The following P2RY13 variants were observed in gnomAD, a reference collection of about 807,000 sequenced individuals.
P2RY13 encodes purinergic receptor P2Y13.
For missense variants in P2RY13, 412 were observed against 418.4 expected (o/e 0.98, Z 0.13); for synonymous variants, 150 against 155.1 (o/e 0.97, Z 0.24).
rs1360716223 is a variant in P2RY13, at chr3:151,328,979, A to T, written c.77T>A (p.Val26Glu). 1 of 1,608,252 alleles carries T rather than the reference A, an allele frequency of 6.2e-7. No homozygotes were observed. Among genetic ancestry groups the T allele is most frequent in the East Asian group, 2.2e-5 (1 of 44,822 alleles). ...CTCAGATCTGTTGAAGCCTTGCATC[A>T]CTGTGGTGTTCATTGCTTCCAGTGT... ...KVTLEAMNTT[V>E]MQGFNRSERC... Residue 26 changes from valine to glutamate, a missense_variant, in exon 2 of 2, where the codon GTG (valine) becomes GAG (glutamate). Val to Glu is a moderately radical substitution (Grantham distance 121). Transcript: ENST00000325602.
Position 151,327,933 on chromosome 3 carries a change from T to C in P2RY13, c.*58A>G. 7 of 1,235,332 alleles carry C rather than the reference T, an allele frequency of 5.7e-6. No homozygotes were observed. The highest frequency in any genetic ancestry group is 7.8e-6 in the Non-Finnish European group (7 of 897,684). The allele number at this position is 1,235,332 out of a possible 1,614,324, so 76.5% of individuals were successfully genotyped here. On this transcript the variant is annotated 3_prime_UTR_variant, in exon 2 of 2. Transcript: ENST00000325602. ...TCTTTTTTTCTTGGTTAAATTTGAT[T>C]TCCACATTATCTACGGAAGTCTCAT... is the stretch of plus-strand genomic sequence containing the variant.
At chr3:151,329,434 C>G in intron 1 of P2RY13, 47 bp downstream of exon 1, 1 of 1,253,616 alleles carries the variant, frequency 8.0e-7, no homozygotes, top group Non-Finnish European at 1.1e-6. Context: ...TAAGCATATT[C>G]TTTTATATAA....
At position 151,326,759 on chromosome 3, in the gene P2RY13, C is replaced by G. The variant is rs772003307; in HGVS notation, c.*1232G>C. On this transcript the variant is annotated 3_prime_UTR_variant, in exon 2 of 2. Coordinates refer to ENST00000325602, the MANE Select transcript of P2RY13 (RefSeq NM_176894.3). ...AACGTGGGCTTCACCCTACGATGGT[C>G]GTGTTGGAGCTCGTGGCACATTTAC... is the stretch of plus-strand genomic sequence containing the variant. 1 of 152,188 alleles carries G rather than the reference C, an allele frequency of 6.6e-6. No individual in the cohort carries two copies. The highest frequency in any genetic ancestry group is 2.4e-5 in the African/African-American group (1 of 41,456). The allele number at this position is 152,188 out of a possible 1,614,324, so 9.4% of individuals were successfully genotyped here.
Position 151,328,835 on chromosome 3 carries a change from C to G in P2RY13, c.221G>C (p.Ser74Thr). Residue 74 changes from serine to threonine, a missense_variant, in exon 2 of 2, where the codon AGC (serine) becomes ACC (threonine). Physicochemically the swap from Ser to Thr is moderately conservative, Grantham distance 58. Coordinates refer to ENST00000325602, the MANE Select transcript of P2RY13 (RefSeq NM_176894.3). ...LALWVFVHIPSSSTFIIYLKN... is the reference protein window; with the variant it reads ...LALWVFVHIPTSSTFIIYLKN... ...GAGGTAGATGATGAAGGTGGAGGAG[C>G]TGGGGATGTGAACAAACACCCACAG... 6 of 1,613,934 alleles carry G rather than the reference C, an allele frequency of 3.7e-6. No homozygotes were observed. The highest frequency in any genetic ancestry group is 5.1e-6 in the Non-Finnish European group (6 of 1,179,928).
chr3:151,329,017 A>G lies in P2RY13; in HGVS notation c.49-10T>C. 3.9e-6 allele frequency: 6 copies of G among 1,553,650 alleles called. No homozygotes were observed. Among genetic ancestry groups the G allele is most frequent in the Non-Finnish European group, 4.3e-6 (5 of 1,150,376 alleles). On this transcript the variant is annotated splice_polypyrimidine_tract_variant and intron_variant, in intron 1 of 1. Coordinates refer to ENST00000325602, the MANE Select transcript of P2RY13 (RefSeq NM_176894.3). ...TTGCTTCCAGTGTCACCTGTTACCA[A>G]TAAACATATATACAAACAAAAGAAA...
rs111263026 is a variant in P2RY13, at chr3:151,327,836, A to G, written c.*155T>C. ...GTTCATTCAGCTTATGAATAGATCT[A>G]TGTGGATTTAAATTTTATATAATCT... On this transcript the variant is annotated 3_prime_UTR_variant, in exon 2 of 2. Transcript: ENST00000325602. The G allele has an allele frequency of 7.3e-6, 4 of 548,440 alleles. No individual in the cohort carries two copies. Among genetic ancestry groups the G allele is most frequent in the African/African-American group, 1.9e-5 (1 of 51,910 alleles). The allele number at this position is 548,440 out of a possible 1,614,324, so 34.0% of individuals were successfully genotyped here.
Position 151,327,730 on chromosome 3 carries a change from A to G in P2RY13, c.*261T>C, listed in dbSNP as rs1749803561. On this transcript the variant is annotated 3_prime_UTR_variant, in exon 2 of 2. Coordinates refer to ENST00000325602, the MANE Select transcript of P2RY13 (RefSeq NM_176894.3). ...AAAATGTTAAAGTGAAATGCTCTTG[A>G]AATTAAAAAAAAAAAAAAAGAAAGA... The G allele has an allele frequency of 7.5e-6, 2 of 265,088 alleles. No individual in the cohort carries two copies. Among genetic ancestry groups the G allele is most frequent in the Non-Finnish European group, 1.3e-5 (2 of 150,656 alleles). 16.4% of individuals were successfully genotyped at this position (265,088 alleles called of 1,614,324 possible).
chr3:151,328,068 A>C lies in P2RY13; in HGVS notation c.988T>G (p.Cys330Gly). The C allele has an allele frequency of 6.2e-7, 1 of 1,610,050 alleles. No individual in the cohort carries two copies. The highest frequency in any genetic ancestry group is 8.5e-7 in the Non-Finnish European group (1 of 1,178,652). Residue 330 changes from cysteine to glycine, a missense_variant, in exon 2 of 2, where the codon TGT becomes GGT. Coordinates refer to ENST00000325602, the MANE Select transcript of P2RY13 (RefSeq NM_176894.3). ...GCTGTGGTCTTTCTCCCTTGCATAC[A>C]TGGTAGCTTTTCTGTGAATTTTTTA... ...LCKKFTEKLPCMQGRKTTASS... is the reference protein window; with the variant it reads ...LCKKFTEKLPGMQGRKTTASS...
Position 151,327,815 on chromosome 3 carries a change from A to T in P2RY13, c.*176T>A, listed in dbSNP as rs1285484896. On this transcript the variant is annotated 3_prime_UTR_variant, in exon 2 of 2. Coordinates refer to ENST00000325602, the MANE Select transcript of P2RY13 (RefSeq NM_176894.3). ...TGTTGCATTCTCTTAGTAATGGTTC[A>T]TTCAGCTTATGAATAGATCTATGTG... is the stretch of plus-strand genomic sequence containing the variant. 2 of 451,262 alleles carry T rather than the reference A, an allele frequency of 4.4e-6. No homozygotes were observed. Among genetic ancestry groups the T allele is most frequent in the Non-Finnish European group, 7.8e-6 (2 of 257,732 alleles). The allele number at this position is 451,262 out of a possible 1,614,324, so 28.0% of individuals were successfully genotyped here.
At position 151,328,957 on chromosome 3, in the gene P2RY13, A is replaced by G. The variant is rs749291316; in HGVS notation, c.99T>C (p.Ser33=). 1 of 1,613,664 alleles carries G rather than the reference A, an allele frequency of 6.2e-7. No homozygotes were observed. ...NTTVMQGFNR[S]ERCPRDTRIV... is the part of the protein sequence containing the mutation. ...TCCGAGTGTCTCTGGGGCACCGCTC[A>G]GATCTGTTGAAGCCTTGCATCACTG... Residue 33 remains serine, a synonymous_variant, in exon 2 of 2, where the codon TCT becomes TCC. Coordinates refer to ENST00000325602, the MANE Select transcript of P2RY13 (RefSeq NM_176894.3).
Position 151,327,462 on chromosome 3 carries a change from G to A in P2RY13, c.*529C>T, listed in dbSNP as rs1749759223. ...TGTAAGGAGAAAATCCTTTACCCAG[G>A]ATTTCAGAGGTCTTGCTGACCCACT... is the stretch of plus-strand genomic sequence containing the variant. On this transcript the variant is annotated 3_prime_UTR_variant, in exon 2 of 2. Transcript: ENST00000325602. The A allele has an allele frequency of 6.6e-6, 1 of 152,094 alleles. No individual in the cohort carries two copies. 9.4% of individuals were successfully genotyped at this position (152,094 alleles called of 1,614,324 possible). A position where few individuals can be genotyped will look rare whatever the true frequency, so the allele number is the denominator to read the frequency against.
At position 151,328,732 on chromosome 3, in the gene P2RY13, G is replaced by A; in HGVS notation, c.324C>T (p.Pro108=). ...GACACACAAAAGCTCTGAGCTGCCA[G>A]GGTGCCAGGTGTGAGTCAGAGAGGA... ...FKILSDSHLA[P]WQLRAFVCRF... is the part of the protein sequence containing the mutation. Residue 108 remains proline, a synonymous_variant, in exon 2 of 2, where the codon CCC becomes CCT. Transcript: ENST00000325602. 1 of 1,614,004 alleles carries A rather than the reference G, an allele frequency of 6.2e-7. No individual in the cohort carries two copies. Among genetic ancestry groups the A allele is most frequent in the Non-Finnish European group, 8.5e-7 (1 of 1,179,932 alleles).
chr3:151,327,228 G>T lies in P2RY13; in HGVS notation c.*763C>A, dbSNP rs1189314661. ...AGGAGGGTGGGGCAGGGGGATAGGG[G>T]TTGTGGTCCAGGAAGGCATTGCTGA... On this transcript the variant is annotated 3_prime_UTR_variant, in exon 2 of 2. Transcript: ENST00000325602. The T allele has an allele frequency of 6.6e-6, 1 of 152,178 alleles. No individual in the cohort carries two copies. Among genetic ancestry groups the T allele is most frequent in the African/African-American group, 2.4e-5 (1 of 41,434 alleles). The allele number at this position is 152,178 out of a possible 1,614,324, so 9.4% of individuals were successfully genotyped here.
At chr3:151,329,251 A>G (rs1000024182) in intron 1 of P2RY13, among the ~76,000 whole-genome samples, 1 of 152,202 alleles carries the variant, frequency 6.6e-6, no homozygotes, top group African/African-American at 2.4e-5. Flanking sequence ...AAATCCAAAT[A>G]ACAGGTTCTG....
In P2RY13 at chr3:151,328,340, T is replaced by A; in HGVS notation, c.716A>T (p.Tyr239Phe). 6.2e-7 allele frequency: 1 copy of A among 1,613,174 alleles called. No individual in the cohort carries two copies. The highest frequency in any genetic ancestry group is 2.2e-5 in the East Asian group (1 of 44,870). Residue 239 changes from tyrosine (Y) to phenylalanine (F), a missense_variant, in exon 2 of 2, where the codon TAT (tyrosine) becomes TTT (phenylalanine). Transcript: ENST00000325602. The part of the protein sequence containing the change: ...VVIAKKVYDS[Y>F]RKSKSKDRKN... ...TCTGTCCTTACTTTTGGACTTTCTA[T>A]AAGAATCATATACTTTTTTTGCAAT...
chr3:151,328,105 G>A lies in P2RY13; in HGVS notation c.951C>T (p.Tyr317=). The A allele has an allele frequency of 6.2e-7, 1 of 1,611,568 alleles. No individual in the cohort carries two copies. The highest frequency in any genetic ancestry group is 1.3e-5 in the African/African-American group (1 of 74,868). Residue 317 remains tyrosine (Y), a synonymous_variant, in exon 2 of 2, where the codon TAC becomes TAT. Transcript: ENST00000325602. ...ATNICMDPLI[Y]IFLCKKFTEK... Reference sequence around the variant, plus strand: ...CTGTGAATTTTTTACATAAGAATATGTATATTAAGGGATCCATACAAATGT... The same window carrying A: ...CTGTGAATTTTTTACATAAGAATATATATATTAAGGGATCCATACAAATGT...
rs1749842868 is a variant in P2RY13 at position 151,327,917 on chromosome 3, C to A, written c.*74G>T. The A allele has an allele frequency of 6.5e-6, 7 of 1,073,048 alleles. No individual in the cohort carries two copies. Among genetic ancestry groups the A allele is most frequent in the African/African-American group, 1.6e-5 (1 of 62,956 alleles). 66.5% of individuals were successfully genotyped at this position (1,073,048 alleles called of 1,614,324 possible). A position where few individuals can be genotyped will look rare whatever the true frequency, so the allele number is the denominator to read the frequency against. On this transcript the variant is annotated 3_prime_UTR_variant, in exon 2 of 2. Transcript: ENST00000325602. ...AGAGCATTTGTTCCAATCTTTTTTTCTTGGTTAAATTTGATTTCCACATTA... is the reference window on the plus strand; with the variant it reads ...AGAGCATTTGTTCCAATCTTTTTTTATTGGTTAAATTTGATTTCCACATTA...
Position 151,326,367 on chromosome 3 carries a change from A to G in P2RY13, c.*1624T>C, listed in dbSNP as rs1479605362. ...AATGAAACAATCTCTCCTTTCAGAT[A>G]TATACATCAGTTACTAAAAGAGTAG... On this transcript the variant is annotated 3_prime_UTR_variant, in exon 2 of 2. Coordinates refer to ENST00000325602, the MANE Select transcript of P2RY13 (RefSeq NM_176894.3). 1 of 152,660 alleles carries G rather than the reference A, an allele frequency of 6.6e-6. No homozygotes were observed. Among genetic ancestry groups the G allele is most frequent in the Non-Finnish European group, 1.5e-5 (1 of 68,050 alleles). 9.5% of individuals were successfully genotyped at this position (152,660 alleles called of 1,614,324 possible).
Position 151,328,963 on chromosome 3 carries a change from G to A in P2RY13, c.93C>T (p.Asn31=). 2 of 1,613,184 alleles carry A rather than the reference G, an allele frequency of 1.2e-6. No homozygotes were observed. Among genetic ancestry groups the A allele is most frequent in the Non-Finnish European group, 1.7e-6 (2 of 1,179,482 alleles). The change falls in exon 2 of 2, where the codon AAC becomes AAT. Residue 31 remains asparagine, a synonymous_variant. Transcript: ENST00000325602. ...AMNTTVMQGF[N]RSERCPRDTR... is the part of the protein sequence containing the mutation. The stretch of plus-strand genomic sequence containing the variant: ...TGTCTCTGGGGCACCGCTCAGATCT[G>A]TTGAAGCCTTGCATCACTGTGGTGT...
Sources: allele counts gnomAD v4.1 joint callset (sites outside exome capture counted in the v4.1 genomes callset), GRCh38; gene constraint gnomAD v4.1.1; transcripts MANE v1.5; gene names NCBI Gene and HGNC (gene_info 2026-07-23, HGNC 2026-07-21).